Variants in COL28A1 observed in about 807,000 individuals in gnomAD.
COL28A1 encodes collagen type XXVIII alpha 1 chain.
In COL28A1, 161 loss-of-function variants were observed where a neutral mutation model predicts 150.2. The ratio of observed to expected loss-of-function variants is 1.07; its 90% confidence interval spans 0.94 to 1.22. COL28A1 has a LOEUF of 1.22. Ranked by LOEUF, COL28A1 falls within the 50% of genes most tolerant of loss-of-function variation. The pLI, the probability that COL28A1 is intolerant of heterozygous loss-of-function variation, is 0.00. For missense variants in COL28A1, 1,617 were observed against 1,388.3 expected (o/e 1.16, Z -2.62); for synonymous variants, 552 against 469.7 (o/e 1.18, Z -2.26).
chr7:7,346,082 A>G, the COL28A1 span, among the ~76,000 whole-genome samples: 1 of 152,038 alleles, frequency 6.6e-6, no homozygotes, highest in African/African-American at 2.4e-5. Flanking sequence ...GAAGCTACTA[A>G]AACTAAAGTT....
At position 7,458,200 on chromosome 7, in the gene COL28A1, T is replaced by C. The variant is rs939441855; in HGVS notation, c.1303-2088A>G. ...GGGAGGCAGAGGTGGGCGGATCCCC[T>C]GAGATCGGGAGTTCGAGACCAGCCT... On this transcript the variant is annotated intron_variant, in intron 15 of 34. Coordinates refer to ENST00000399429, the MANE Select transcript of COL28A1 (RefSeq NM_001037763.3). Among the ~76,000 whole-genome samples the C allele has an allele frequency of 3.9e-5, 6 of 152,290 alleles. No homozygotes were observed. The East Asian group carries it at 9.7e-4, about 24-fold the overall frequency.
In COL28A1 at chr7:7,423,017, C is replaced by T. The variant is rs139955564; in HGVS notation, c.1999-3064G>A. On this transcript the variant is annotated intron_variant, in intron 25 of 34. Transcript: ENST00000399429. The stretch of plus-strand genomic sequence containing the variant: ...GATTTGGATCCCAATCCAAACAAAC[C>T]AATTGCAGCAAATGGGTAAGACAAG... 1.0e-3 allele frequency among the ~76,000 whole-genome samples: 155 copies of T among 152,246 alleles called. 1 individual carries two copies. The highest frequency in any genetic ancestry group is 3.4e-3 in the Middle Eastern group (1 of 294).
chr7:7,415,831 C>G (rs1457417851), intron 27 of COL28A1, among the ~76,000 whole-genome samples: 1 of 152,084 alleles, frequency 6.6e-6, no homozygotes, highest in Non-Finnish European at 1.5e-5. Context: ...AAGACAAGGT[C>G]TCACTCTGTC....
intron 8 of COL28A1, chr7:7,511,911 CTTAG>C (rs1484559408): frequency 1.3e-5 from 5 of 398,320 alleles, no homozygotes; most frequent in East Asian, 7.9e-5. Context: ...AATATTTTAT[CTTAG>C]TTAATCTGAC....
chr7:7,340,858 G>C, the COL28A1 span, among the ~76,000 whole-genome samples: 1 of 152,046 alleles, frequency 6.6e-6, no homozygotes, highest in Non-Finnish European at 1.5e-5. Flanking sequence ...TCTTACCTTG[G>C]TAAATATACC....
intron 9 of COL28A1, 37 bp from the exon 10 acceptor site, chr7:7,507,198 T>C (rs753499576): frequency 1.2e-5 from 11 of 899,370 alleles, no homozygotes; most frequent in Non-Finnish European, 2.0e-5. Context: ...TCTCTAAATA[T>C]ACATCTTCAA....
chr7:7,511,355 G>A (rs1030151662), intron 8 of COL28A1, among the ~76,000 whole-genome samples: 1 of 151,942 alleles, frequency 6.6e-6, no homozygotes, highest in Admixed American at 6.6e-5. Context: ...AATAAATCAG[G>A]AACAATGTAA....
intron 21 of COL28A1, among the ~76,000 whole-genome samples, chr7:7,439,762 A>G (rs1785619240): frequency 6.6e-6 from 1 of 152,180 alleles, no homozygotes; most frequent in Admixed American, 6.5e-5. Context: ...AGCACAGGGC[A>G]TTTACTTGAG....
intron 15 of COL28A1, among the ~76,000 whole-genome samples, chr7:7,465,410 G>C (rs376718944): frequency 7.1e-6 from 1 of 140,946 alleles, no homozygotes; most frequent in African/African-American, 2.7e-5. Flanking sequence ...CTTAAGAAAC[G>C]GCGCACCACG....
chr7:7,370,987 T>C, intron 32 of COL28A1, 105 bp from the exon 33 acceptor site: 1 of 777,088 alleles, frequency 1.3e-6, no homozygotes, highest in Non-Finnish European at 2.0e-6. Flanking sequence ...AATTTCCCAT[T>C]ACTTGAAATC....
At chr7:7,347,086 G>A in the COL28A1 span, among the ~76,000 whole-genome samples, 1 of 151,886 alleles carries the variant, frequency 6.6e-6, no homozygotes, top group African/African-American at 2.4e-5. Flanking sequence ...TTTTTTCCAT[G>A]GAGTGATGGA....
At chr7:7,465,339 G>C (rs1787989226) in intron 15 of COL28A1, among the ~76,000 whole-genome samples, 1 of 143,232 alleles carries the variant, frequency 7.0e-6, no homozygotes, top group African/African-American at 2.6e-5. Context: ...AAAGAAAGGG[G>C]TGACGGACGC....
chr7:7,539,958 T>C (rs926688694), upstream of COL28A1, among the ~76,000 whole-genome samples: 3 of 152,222 alleles, frequency 2.0e-5, no homozygotes, highest in Non-Finnish European at 2.9e-5. Context: ...AAATTCCCGT[T>C]ATACCAATCT....
rs370855122 is a variant in COL28A1 at position 7,448,563 on chromosome 7, A to C, written c.1509+3756T>G. Among the ~76,000 whole-genome samples, 31 of 152,048 alleles carry C rather than the reference A, an allele frequency of 2.0e-4. No homozygotes were observed. The East Asian group carries it at 5.8e-3, about 28-fold the overall frequency. On this transcript the variant is annotated intron_variant, in intron 18 of 34. Transcript: ENST00000399429. ...CCATTTGACTTCTAGGTGTTTACCCAAGAAAAATAAAAACAAATGTCCATA... is the reference window on the plus strand; with the variant it reads ...CCATTTGACTTCTAGGTGTTTACCCCAGAAAAATAAAAACAAATGTCCATA...
chr7:7,520,088 CT>C lies in COL28A1; in HGVS notation c.786del (p.Gly263ValfsTer43). 6.9e-7 allele frequency: 1 copy of C among 1,442,470 alleles called. No individual in the cohort carries two copies. The highest frequency in any genetic ancestry group is 9.8e-7 in the Non-Finnish European group (1 of 1,024,636). The allele number at this position is 1,442,470 out of a possible 1,614,324, so 89.4% of individuals were successfully genotyped here. On this transcript the variant is annotated frameshift_variant, in exon 6 of 35. Coordinates refer to ENST00000399429, the MANE Select transcript of COL28A1 (RefSeq NM_001037763.3). LOFTEE classifies it high-confidence loss of function. The stretch of plus-strand genomic sequence containing the variant: ...GGGTTTCCTTTTGGTCCTCGCTCAC[CT>C]TTGATACCTGGATTTCCATGTGTAC... The part of the protein sequence containing the change: ...PPGTHGNPGI[K>X]GERGPKGNPG...
intron 15 of COL28A1, among the ~76,000 whole-genome samples, chr7:7,463,858 T>C (rs920479501): frequency 1.3e-5 from 2 of 152,146 alleles, no homozygotes; most frequent in Non-Finnish European, 2.9e-5. Flanking sequence ...TCACTTAAAA[T>C]ACATAGAATT....
chr7:7,441,600 G>T (rs1785795683), intron 20 of COL28A1, among the ~76,000 whole-genome samples: 4 of 151,844 alleles, frequency 2.6e-5, no homozygotes, highest in Admixed American at 1.3e-4. Flanking sequence ...ACTATACCAT[G>T]GTTTTTAAAG....
At chr7:7,369,478 C>A (rs1386839975) in intron 33 of COL28A1, among the ~76,000 whole-genome samples, 1 of 152,150 alleles carries the variant, frequency 6.6e-6, no homozygotes, top group East Asian at 1.9e-4. Context: ...CAGTATATGG[C>A]CCTTTACAGG....
At chr7:7,346,179 T>A in the COL28A1 span, among the ~76,000 whole-genome samples, 3 of 152,040 alleles carry the variant, frequency 2.0e-5, no homozygotes, top group African/African-American at 7.2e-5. Context: ...TTCCCTTAGA[T>A]TTTAGCCTTG....
Sources: allele counts gnomAD v4.1 joint callset (sites outside exome capture counted in the v4.1 genomes callset), GRCh38; gene constraint gnomAD v4.1.1; transcripts MANE v1.5; gene names NCBI Gene and HGNC (gene_info 2026-07-23, HGNC 2026-07-21).